SORCS2: variants seen among roughly 807,000 people sequenced by gnomAD.
SORCS2 encodes VPS10 domain-containing receptor SorCS2.
A neutral mutation model predicts 141.6 loss-of-function variants in SORCS2; 100 were observed. The ratio of observed to expected loss-of-function variants is 0.71; its 90% CI spans 0.60 to 0.83. The LOEUF (loss-of-function observed/expected upper bound fraction) is 0.83, where lower values mean the gene tolerates loss of function less well. Among genes scored for constraint, SORCS2 ranks in the 40% least tolerant of loss-of-function variants. The pLI is 0.00. For missense variants in SORCS2, 1,646 were observed against 1,560.2 expected (o/e 1.05, Z -0.93); for synonymous variants, 789 against 676.9 (o/e 1.17, Z -2.57).
chr4:7,304,015 G>A (rs1046074672), intron 1 of SORCS2, among the ~76,000 whole-genome samples: 4 of 152,254 alleles, frequency 2.6e-5, no homozygotes, highest in African/African-American at 7.2e-5. Flanking sequence ...GCTATTGTCA[G>A]CCTCAATTTA....
intron 2 of SORCS2, among the ~76,000 whole-genome samples, chr4:7,496,723 G>A (rs1259321536): frequency 6.6e-6 from 1 of 152,140 alleles, no homozygotes; most frequent in African/African-American, 2.4e-5. Flanking sequence ...AGCTACAGAA[G>A]GGAGCGAGGC....
chr4:7,720,608 C>T (rs1726522578), intron 18 of SORCS2, among the ~76,000 whole-genome samples: 1 of 152,126 alleles, frequency 6.6e-6, no homozygotes, highest in Admixed American at 6.5e-5. Context: ...ACCACATATC[C>T]AACAAGGACC....
chr4:7,427,786 A>G (rs13128092), intron 2 of SORCS2, among the ~76,000 whole-genome samples: 72,855 of 151,668 alleles, frequency 0.48, 17,975 homozygotes, highest in East Asian at 0.61. Flanking sequence ...ATTCATCAGC[A>G]GGGGATGGCA....
intron 12 of SORCS2, among the ~76,000 whole-genome samples, chr4:7,702,898 C>A (rs1725173257): frequency 6.6e-6 from 1 of 152,202 alleles, no homozygotes; most frequent in African/African-American, 2.4e-5. Context: ...GTCTTCATGT[C>A]AAATTGGGGT....
chr4:7,456,573 G>T (rs1360356585), intron 2 of SORCS2, among the ~76,000 whole-genome samples: 1 of 152,160 alleles, frequency 6.6e-6, no homozygotes, highest in African/African-American at 2.4e-5. Flanking sequence ...TTGGAGCTTG[G>T]GGGATGCTTG....
At chr4:7,202,130 T>C (rs972539746) in intron 1 of SORCS2, among the ~76,000 whole-genome samples, 1 of 152,158 alleles carries the variant, frequency 6.6e-6, no homozygotes, top group African/African-American at 2.4e-5. Flanking sequence ...GCACAGACCA[T>C]CCCTGACCTG....
chr4:7,331,175 G>A (rs919485927), intron 1 of SORCS2, among the ~76,000 whole-genome samples: 1 of 152,154 alleles, frequency 6.6e-6, no homozygotes, highest in Non-Finnish European at 1.5e-5. Flanking sequence ...TGGTGGGGGG[G>A]CTTCACCCCC....
intron 7 of SORCS2, among the ~76,000 whole-genome samples, chr4:7,666,740 C>T (rs956582817): frequency 2.0e-5 from 3 of 152,156 alleles, no homozygotes; most frequent in Admixed American, 1.3e-4. Context: ...GAAAAGCACT[C>T]GAGATGGTGC....
intron 1 of SORCS2, among the ~76,000 whole-genome samples, chr4:7,206,060 A>G (rs1364362906): frequency 6.6e-6 from 1 of 152,088 alleles, no homozygotes. Flanking sequence ...CAAAAACAAA[A>G]ACAAAAACAA....
At chr4:7,401,407 T>C (rs1297653699) in intron 2 of SORCS2, among the ~76,000 whole-genome samples, 3 of 152,118 alleles carry the variant, frequency 2.0e-5, no homozygotes, top group African/African-American at 7.2e-5. Flanking sequence ...ATGTGGTTTT[T>C]GGGAAACACT....
At chr4:7,738,421 G>C (rs1479554361) in intron 26 of SORCS2, among the ~76,000 whole-genome samples, 1 of 152,222 alleles carries the variant, frequency 6.6e-6, no homozygotes, top group African/African-American at 2.4e-5. Flanking sequence ...GGTCACAGCT[G>C]GTGGTGAACG....
intron 3 of SORCS2, among the ~76,000 whole-genome samples, chr4:7,621,687 C>T (rs1245316012): frequency 3.3e-5 from 5 of 152,188 alleles, no homozygotes; most frequent in African/African-American, 1.2e-4. Flanking sequence ...TTTTGCTGAA[C>T]AAAATCCCAC....
At chr4:7,611,107 G>A (rs985297453) in intron 3 of SORCS2, among the ~76,000 whole-genome samples, 10 of 152,152 alleles carry the variant, frequency 6.6e-5, no homozygotes, top group Admixed American at 3.3e-4. Context: ...CTACATGGGC[G>A]CCCACTGCAG....
At chr4:7,714,794 A>G (rs1726079082) in intron 16 of SORCS2, among the ~76,000 whole-genome samples, 1 of 152,050 alleles carries the variant, frequency 6.6e-6, no homozygotes, top group Admixed American at 6.5e-5. Flanking sequence ...CTAACAGCTC[A>G]CCCACCTGCC....
intron 2 of SORCS2, among the ~76,000 whole-genome samples, chr4:7,501,402 C>A (rs544415181): frequency 1.3e-5 from 2 of 152,336 alleles, no homozygotes; most frequent in South Asian, 2.1e-4. Context: ...ATCCAGTCCC[C>A]TTTCAAGTCA....
intron 2 of SORCS2, among the ~76,000 whole-genome samples, chr4:7,505,488 G>A (rs796460178): frequency 1.3e-5 from 2 of 152,304 alleles, no homozygotes; most frequent in African/African-American, 4.8e-5. Context: ...TGGAAGTTGA[G>A]CCCAGAGACA....
intron 1 of SORCS2, among the ~76,000 whole-genome samples, chr4:7,319,326 C>T (rs964563557): frequency 5.3e-5 from 8 of 152,104 alleles, no homozygotes; most frequent in African/African-American, 1.4e-4. Flanking sequence ...AATCATGAAT[C>T]GAGCTGGGTT....
intron 2 of SORCS2, chr4:7,431,474 C>G (rs1158801756): frequency 6.6e-6 from 1 of 152,254 alleles, no homozygotes; most frequent in African/African-American, 2.4e-5. Flanking sequence ...AGAGGAGGGC[C>G]TATGGCTCCA....
chr4:7,294,717 CCCT>C (rs1209421111), intron 1 of SORCS2, among the ~76,000 whole-genome samples: 6 of 91,424 alleles, frequency 6.6e-5, no homozygotes, highest in East Asian at 7.5e-4. Flanking sequence ...CTCCTCCTCT[CCCT>C]CCTCCTCCTC....
Sources: gnomAD v4.1 joint callset for allele counts (sites outside exome capture counted in the v4.1 genomes callset) on GRCh38, gnomAD v4.1.1 for gene constraint, MANE v1.5 for transcripts, NCBI Gene and HGNC (gene_info 2026-07-23, HGNC 2026-07-21) for gene names.